TDRP: variants seen among roughly 807,000 people sequenced by gnomAD.
The protein encoded by TDRP is testis development-related protein.
In TDRP, 12 loss-of-function variants were observed where a neutral mutation model predicts 10.5. The ratio of observed to expected loss-of-function variants is 1.15; its 90% confidence interval spans 0.73 to 1.86. TDRP has a LOEUF of 1.86. Among genes scored for constraint, TDRP ranks in the 40% most tolerant of loss-of-function variants. The pLI, the probability that TDRP is intolerant of heterozygous loss-of-function variation, is 0.00. For synonymous variants in TDRP, 139 were observed against 95.4 expected (o/e 1.46, Z -2.67); for missense variants, 353 against 229.2 (o/e 1.54, Z -3.49).
intron 1 of TDRP, among the ~76,000 whole-genome samples, chr8:504,608 A>G (rs113167631): frequency 2.5e-4 from 38 of 152,222 alleles, no homozygotes; most frequent in African/African-American, 9.2e-4. Context: ...CTCATGTTCA[A>G]TATCTGCAGT....
chr8:522,626 G>C (rs771157071), intron 1 of TDRP, among the ~76,000 whole-genome samples: 3 of 151,984 alleles, frequency 2.0e-5, no homozygotes, highest in Non-Finnish European at 4.4e-5. Context: ...ATCTCCCTCC[G>C]CCCCATGAAA....
chr8:500,227 T>C (rs1206347793), intron 1 of TDRP, among the ~76,000 whole-genome samples: 1 of 152,230 alleles, frequency 6.6e-6, no homozygotes, highest in Non-Finnish European at 1.5e-5. Context: ...TCATGTTTCA[T>C]GAAGAAAATC....
chr8:497,655 T>C (rs1284664028), intron 1 of TDRP, among the ~76,000 whole-genome samples: 1 of 152,178 alleles, frequency 6.6e-6, no homozygotes, highest in Non-Finnish European at 1.5e-5. Flanking sequence ...AAAATTTGCA[T>C]AAGTAAAGAA....
At chr8:545,226 T>TCCC (rs1802621051), upstream of TDRP, among the ~76,000 whole-genome samples, 1 of 117,088 alleles carries the variant, frequency 8.5e-6, no homozygotes, top group Non-Finnish European at 1.7e-5. Context: ...GGCTACCCCG[T>TCCC]CACCTGGTCC....
At position 492,541 on chromosome 8, in the gene TDRP, T is replaced by A. The variant is rs751215919; in HGVS notation, c.416A>T (p.Asp139Val). 2.9e-5 allele frequency: 46 copies of A among 1,611,734 alleles called. 1 individual carries two copies. The South Asian group carries it at 5.1e-4, about 18-fold the overall frequency. ...GHPSWSGWED[D>V]AKGSTKYTSL... is the part of the protein sequence containing the mutation. ...GGTGTACTTGGTCGAGCCCTTGGCG[T>A]CATCCTCCCAGCCTGACCAGGATGG... Residue 139 changes from aspartate (D) to valine (V), a missense_variant, in exon 3 of 3, where the codon GAC (aspartate) becomes GTC (valine). Coordinates refer to ENST00000324079, the MANE Select transcript of TDRP (RefSeq NM_001384899.1).
chr8:494,130 AT>A (rs36052358), intron 2 of TDRP, among the ~76,000 whole-genome samples: 86 of 143,748 alleles, frequency 6.0e-4, no homozygotes, highest in Non-Finnish European at 7.4e-4. Flanking sequence ...CTAATTTCTG[AT>A]TTTTTTTTTT....
At chr8:541,331 T>C (rs1178034764) in intron 1 of TDRP, among the ~76,000 whole-genome samples, 1 of 152,186 alleles carries the variant, frequency 6.6e-6, no homozygotes, top group Non-Finnish European at 1.5e-5. Context: ...AACTAGCACA[T>C]AACTGGGAAA....
chr8:505,877 C>T (rs868279809), intron 1 of TDRP, among the ~76,000 whole-genome samples: 1 of 152,298 alleles, frequency 6.6e-6, no homozygotes, highest in Middle Eastern at 3.4e-3. Flanking sequence ...GACACACAAA[C>T]CCTCAAATCA....
chr8:514,974 A>G (rs1202572217), intron 1 of TDRP, among the ~76,000 whole-genome samples: 1 of 152,220 alleles, frequency 6.6e-6, no homozygotes, highest in South Asian at 2.1e-4. Flanking sequence ...ACAATCAGGA[A>G]AAGTCATACA....
chr8:493,993 G>GTT (rs68057437), intron 2 of TDRP, among the ~76,000 whole-genome samples: 6,853 of 106,312 alleles, frequency 0.064, 472 homozygotes, highest in South Asian at 0.12. Flanking sequence ...CATTTCTGTT[G>GTT]TTTTTTTTTT....
intron 1 of TDRP, among the ~76,000 whole-genome samples, chr8:544,416 G>C (rs919525201): frequency 6.6e-6 from 1 of 152,072 alleles, no homozygotes; most frequent in African/African-American, 2.4e-5. Flanking sequence ...GCGGGGAGTG[G>C]GTCCACGCGG....
chr8:540,501 T>A (rs1336522938), intron 1 of TDRP, among the ~76,000 whole-genome samples: 1 of 152,172 alleles, frequency 6.6e-6, no homozygotes, highest in African/African-American at 2.4e-5. Context: ...TCAACAAATA[T>A]TTTACCATAT....
intron 1 of TDRP, among the ~76,000 whole-genome samples, chr8:530,362 T>A (rs1300035740): frequency 6.6e-6 from 1 of 152,228 alleles, no homozygotes; most frequent in Non-Finnish European, 1.5e-5. Flanking sequence ...AGGGTCAAAT[T>A]CTGGAGATTT....
At chr8:510,479 A>C (rs1033015792) in intron 1 of TDRP, among the ~76,000 whole-genome samples, 4 of 152,232 alleles carry the variant, frequency 2.6e-5, no homozygotes, top group Non-Finnish European at 4.4e-5. Context: ...CTTGAAAGCT[A>C]CAAGAGAAAA....
chr8:519,373 C>G (rs937226372), intron 1 of TDRP, among the ~76,000 whole-genome samples: 6 of 152,194 alleles, frequency 3.9e-5, no homozygotes, highest in African/African-American at 1.2e-4. Flanking sequence ...TTGGACATGA[C>G]AGAGAGTCAT....
chr8:541,722 T>C (rs1802499883), intron 1 of TDRP, among the ~76,000 whole-genome samples: 1 of 152,134 alleles, frequency 6.6e-6, no homozygotes, highest in Non-Finnish European at 1.5e-5. Flanking sequence ...ACACACCTAC[T>C]AGGATGGACA....
intron 1 of TDRP, 44 bp from the exon 2 acceptor site, chr8:494,641 C>T (rs757829329): frequency 3.2e-6 from 5 of 1,548,830 alleles, no homozygotes; most frequent in South Asian, 1.1e-5. Context: ...TGTCATGAAT[C>T]AACAGAATTC....
rs190579571 is a variant in TDRP, at chr8:525,087, C to G, written c.108+19563G>C. ...TCGGCAAGAGAAAAGAAACAGATAGCATACAATGGAGCTCCGATAGGTCTG... is the reference window on the plus strand; with the variant it reads ...TCGGCAAGAGAAAAGAAACAGATAGGATACAATGGAGCTCCGATAGGTCTG... On this transcript the variant is annotated intron_variant, in intron 1 of 2. Coordinates refer to ENST00000324079, the MANE Select transcript of TDRP (RefSeq NM_001384899.1). Among the ~76,000 whole-genome samples, 881 of 152,244 alleles carry G rather than the reference C, an allele frequency of 5.8e-3. 11 individuals carry two copies. The highest frequency in any genetic ancestry group is 9.6e-3 in the Non-Finnish European group (654 of 68,010).
At chr8:542,735 T>G (rs1447099317) in intron 1 of TDRP, among the ~76,000 whole-genome samples, 1 of 150,336 alleles carries the variant, frequency 6.7e-6, no homozygotes, top group East Asian at 2.0e-4. Flanking sequence ...TGGTGACACA[T>G]GCTCGTAATC....
Sources: allele counts gnomAD v4.1 joint callset (sites outside exome capture counted in the v4.1 genomes callset), GRCh38; gene constraint gnomAD v4.1.1; transcripts MANE v1.5; gene names NCBI Gene and HGNC (gene_info 2026-07-23, HGNC 2026-07-21).